Variants in ADGRV1 observed in about 807,000 individuals in gnomAD.
ADGRV1 encodes adhesion G protein-coupled receptor V1, also known as G-protein coupled receptor 98.
A neutral mutation model predicts 596.2 loss-of-function variants in ADGRV1; 359 were observed. The observed-to-expected ratio is 0.60, with a 90% CI of 0.55 to 0.66. ADGRV1 has a LOEUF of 0.66. Among genes scored for constraint, ADGRV1 ranks in the 30% least tolerant of loss-of-function variants. The pLI is 0.00. For missense variants in ADGRV1, 7,274 were observed against 7,575.6 expected, an observed-to-expected ratio of 0.96 and a Z score of 1.48; for synonymous variants, 2,681 against 2,679.2, an observed-to-expected ratio of 1.00 and a Z score of -0.02.
At chr5:90,669,182 C>T (rs186802486) in intron 21 of ADGRV1, among the ~76,000 whole-genome samples, 192 of 152,306 alleles carry the variant, frequency 1.3e-3, no homozygotes, top group African/African-American at 4.5e-3. Context: ...CTCTTTCCAC[C>T]ACACATTTGC....
At chr5:90,830,004 C>G (rs1186168721) in intron 77 of ADGRV1, among the ~76,000 whole-genome samples, 1 of 152,048 alleles carries the variant, frequency 6.6e-6, no homozygotes, top group East Asian at 1.9e-4. Flanking sequence ...ATCCTTGGGC[C>G]TTAAGATTTC....
chr5:90,706,480 C>T (rs1339651108), intron 38 of ADGRV1, 86 bp downstream of exon 38: 3 of 1,173,642 alleles, frequency 2.6e-6, no homozygotes, highest in Non-Finnish European at 3.5e-6. Context: ...TGTACAAGTG[C>T]ACAATGTGCA....
At chr5:90,945,887 A>G (rs1397902452) in intron 83 of ADGRV1, among the ~76,000 whole-genome samples, 2 of 152,038 alleles carry the variant, frequency 1.3e-5, no homozygotes, top group Admixed American at 1.3e-4. Context: ...CTGAGATGGG[A>G]GGAGCACTTG....
chr5:90,964,506 T>C (rs1449189184), intron 83 of ADGRV1, among the ~76,000 whole-genome samples: 1 of 152,134 alleles, frequency 6.6e-6, no homozygotes, highest in East Asian at 1.9e-4. Flanking sequence ...TCTACACTCA[T>C]CATTGCAATA....
In ADGRV1 at chr5:90,840,922, C is replaced by T. The variant is rs759410545; in HGVS notation, c.16956C>T (p.Ser5652=). The part of the protein sequence containing the change: ...DILNRVLHTI[S]MKVATENTDE... ...TCAACAGAGTGCTCCATACCATCAGCATGAAAGTGGCCACAGAAAACACAG... is the reference window on the plus strand; with the variant it reads ...TCAACAGAGTGCTCCATACCATCAGTATGAAAGTGGCCACAGAAAACACAG... The change falls in exon 78 of 90, where the codon AGC becomes AGT. Residue 5652 remains serine (S), a synonymous_variant. Transcript: ENST00000405460. 2 of 1,519,168 alleles carry T rather than the reference C, an allele frequency of 1.3e-6. No individual in the cohort carries two copies. The highest frequency in any genetic ancestry group is 1.8e-6 in the Non-Finnish European group (2 of 1,130,734). The allele number at this position is 1,519,168 out of a possible 1,614,324, so 94.1% of individuals were successfully genotyped here. A position where few individuals can be genotyped will look rare whatever the true frequency, so the allele number is the denominator to read the frequency against.
At chr5:90,871,416 C>G (rs1246097490) in intron 83 of ADGRV1, among the ~76,000 whole-genome samples, 1 of 152,150 alleles carries the variant, frequency 6.6e-6, no homozygotes, top group Non-Finnish European at 1.5e-5. Flanking sequence ...ATAGACTGTT[C>G]TCACTACATT....
At chr5:91,082,062 T>C (rs148955973) in intron 86 of ADGRV1, among the ~76,000 whole-genome samples, 7 of 152,308 alleles carry the variant, frequency 4.6e-5, no homozygotes, top group Non-Finnish European at 1.0e-4. Context: ...GTGGAAGATA[T>C]GCTAATGTGA....
chr5:90,858,442 TTGACTC>T (rs966680066), intron 82 of ADGRV1, among the ~76,000 whole-genome samples: 2 of 152,200 alleles, frequency 1.3e-5, no homozygotes, highest in Admixed American at 6.5e-5. Flanking sequence ...TGCATTGAGT[TTGACTC>T]TGAATACAAG....
chr5:91,084,876 A>G (rs1161438800), intron 86 of ADGRV1, among the ~76,000 whole-genome samples: 5 of 152,232 alleles, frequency 3.3e-5, no homozygotes, highest in African/African-American at 9.6e-5. Context: ...TGGCACATAT[A>G]CACCATGGAA....
At chr5:90,636,433 T>C (rs2149405766) in intron 10 of ADGRV1, among the ~76,000 whole-genome samples, 1 of 152,324 alleles carries the variant, frequency 6.6e-6, no homozygotes, top group Admixed American at 6.5e-5. Flanking sequence ...GGTTTTGATT[T>C]TTCATATTTT....
chr5:90,795,955 A>G (rs1479389264), intron 70 of ADGRV1, among the ~76,000 whole-genome samples: 1 of 152,226 alleles, frequency 6.6e-6, no homozygotes, highest in Admixed American at 6.5e-5. Context: ...ACATCCACTC[A>G]GAGACCTCAT....
At chr5:90,823,734 C>T (rs1763819318) in intron 76 of ADGRV1, 138 bp downstream of exon 76, 2 of 702,404 alleles carry the variant, frequency 2.8e-6, no homozygotes, top group Non-Finnish European at 4.6e-6. Flanking sequence ...ATGTCTAAAT[C>T]TCTTTGCCGA....
rs1043311658 is a variant in ADGRV1 at position 90,627,340 on chromosome 5, A to G, written c.802A>G (p.Ser268Gly). Residue 268 changes from serine to glycine, a missense_variant, in exon 7 of 90, where the codon AGT (serine) becomes GGT (glycine). Ser to Gly is a moderately conservative substitution (Grantham distance 56, BLOSUM62 0). Around this residue, in one of 5 missense-constraint regions of ADGRV1, gnomAD observed 1,715 missense variants for 1,708.8 expected, o/e 1.00. Coordinates refer to ENST00000405460, the MANE Select transcript of ADGRV1 (RefSeq NM_032119.4). ...TGATAGTCCCGTGAGATTCCTTCAG[A>G]GTATTTATTTGGTTCCTGAGGAAGA... The part of the protein sequence containing the change: ...KNDSPVRFLQ[S>G]IYLVPEEDHI... 6.2e-7 allele frequency: 1 copy of G among 1,613,904 alleles called. No individual in the cohort carries two copies. Among genetic ancestry groups the G allele is most frequent in the Non-Finnish European group, 8.5e-7 (1 of 1,179,814 alleles).
intron 20 of ADGRV1, chr5:90,655,705 T>C (rs1188651182): frequency 6.6e-6 from 1 of 152,214 alleles, no homozygotes; most frequent in Non-Finnish European, 1.5e-5. Context: ...CTTAGCTTCT[T>C]CCATCTTTAC....
intron 83 of ADGRV1, among the ~76,000 whole-genome samples, chr5:90,919,801 C>A (rs566439463): frequency 1.3e-5 from 2 of 151,974 alleles, no homozygotes; most frequent in Non-Finnish European, 2.9e-5. Flanking sequence ...TCGAGACCAG[C>A]CTGACCAGTA....
Position 90,756,442 on chromosome 5 carries a change from C to T in ADGRV1, c.11581-12C>T. The stretch of plus-strand genomic sequence containing the variant: ...AAAAAATGAAACACCATCTTTTTCC[C>T]CCATCCCCCAGGATGACCTTCCTGA... On this transcript the variant is annotated splice_polypyrimidine_tract_variant and intron_variant, in intron 55 of 89. Coordinates refer to ENST00000405460, the MANE Select transcript of ADGRV1 (RefSeq NM_032119.4). 2 of 1,450,800 alleles carry T rather than the reference C, an allele frequency of 1.4e-6. No individual in the cohort carries two copies. Among genetic ancestry groups the T allele is most frequent in the Non-Finnish European group, 1.8e-6 (2 of 1,094,872 alleles). The allele number at this position is 1,450,800 out of a possible 1,614,324, so 89.9% of individuals were successfully genotyped here.
intron 85 of ADGRV1, among the ~76,000 whole-genome samples, chr5:91,039,574 T>G (rs1785169822): frequency 6.6e-6 from 1 of 152,196 alleles, no homozygotes; most frequent in African/African-American, 2.4e-5. Context: ...GAGGGGATTT[T>G]ATCCCAGAAC....
intron 50 of ADGRV1, among the ~76,000 whole-genome samples, chr5:90,730,557 C>T (rs1167771878): frequency 6.6e-6 from 1 of 152,116 alleles, no homozygotes. Context: ...GTACTTTAAT[C>T]CACACATCAG....
chr5:90,564,625 A>ATTT (rs1206428975), intron 1 of ADGRV1, among the ~76,000 whole-genome samples: 2 of 33,594 alleles, frequency 6.0e-5, no homozygotes, highest in African/African-American at 2.3e-4. Flanking sequence ...ATATATATAT[A>ATTT]TTTTTTTTTT....
Sources: gnomAD v4.1 joint callset for allele counts (sites outside exome capture counted in the v4.1 genomes callset) on GRCh38, gnomAD v4.1.1 for gene constraint, gnomAD v4.1.1 regional missense constraint, MANE v1.5 for transcripts, NCBI Gene and HGNC (gene_info 2026-07-23, HGNC 2026-07-21) for gene names.